RAD51B: variants seen among roughly 807,000 people sequenced by gnomAD.
RAD51B encodes DNA repair protein RAD51 homolog 2.
In RAD51B, 38 loss-of-function variants were observed where a neutral mutation model predicts 42.2. The observed-to-expected ratio is 0.90, with a 90% CI of 0.70 to 1.18. RAD51B has a LOEUF of 1.18. Among genes scored for constraint, RAD51B ranks in the 50% most tolerant of loss-of-function variants. The pLI is 0.00. For synonymous variants in RAD51B, 154 were observed against 145.2 expected (o/e 1.06, Z -0.43); for missense variants, 373 against 400.7 (o/e 0.93, Z 0.59).
At chr14:68,602,242 A>C (rs1891247250) in intron 10 of RAD51B, among the ~76,000 whole-genome samples, 1 of 149,490 alleles carries the variant, frequency 6.7e-6, no homozygotes, top group Admixed American at 6.7e-5. Flanking sequence ...CTCAGTTTCT[A>C]CTCTCCCTCC....
intron 7 of RAD51B, among the ~76,000 whole-genome samples, chr14:68,255,259 A>G (rs2080729570): frequency 6.6e-6 from 1 of 152,250 alleles, no homozygotes; most frequent in South Asian, 2.1e-4. Context: ...GACAGAGATA[A>G]ACAAAAAGAG....
At chr14:68,020,276 AT>A (rs1191186775) in intron 7 of RAD51B, among the ~76,000 whole-genome samples, 1 of 151,768 alleles carries the variant, frequency 6.6e-6, no homozygotes, top group Non-Finnish European at 1.5e-5. Flanking sequence ...TGCCTGGCTA[AT>A]TTTTTATATT....
intron 8 of RAD51B, among the ~76,000 whole-genome samples, chr14:68,370,843 C>T (rs1212731278): frequency 6.7e-6 from 1 of 148,954 alleles, no homozygotes; most frequent in African/African-American, 2.5e-5. Context: ...AGGAGTTCGA[C>T]CCAATATGGT....
At chr14:67,839,056 A>G (rs936639755) in intron 4 of RAD51B, among the ~76,000 whole-genome samples, 1 of 152,122 alleles carries the variant, frequency 6.6e-6, no homozygotes, top group Non-Finnish European at 1.5e-5. Context: ...TGGTCATGAT[A>G]TATTATCTTT....
At chr14:68,661,392 G>A (rs1892929876) in intron 11 of RAD51B, among the ~76,000 whole-genome samples, 1 of 152,182 alleles carries the variant, frequency 6.6e-6, no homozygotes, top group South Asian at 2.1e-4. Flanking sequence ...GTGCCTGCCA[G>A]GGGTCTGCAC....
chr14:67,885,325 T>C (rs1230726219), intron 5 of RAD51B, among the ~76,000 whole-genome samples: 1 of 152,236 alleles, frequency 6.6e-6, no homozygotes, highest in African/African-American at 2.4e-5. Context: ...TAGAAAATCA[T>C]GTTTTGTTTA....
chr14:68,582,242 T>C (rs1890240708), intron 10 of RAD51B, among the ~76,000 whole-genome samples: 1 of 152,172 alleles, frequency 6.6e-6, no homozygotes, highest in Non-Finnish European at 1.5e-5. Context: ...TGGGAGAACA[T>C]TTTTACAATC....
intron 7 of RAD51B, among the ~76,000 whole-genome samples, chr14:68,209,670 C>G (rs2140941928): frequency 6.6e-6 from 1 of 152,184 alleles, no homozygotes; most frequent in East Asian, 1.9e-4. Context: ...TATTCTGTAC[C>G]CACTTAGGGA....
At position 68,392,578 on chromosome 14, in the gene RAD51B, G is replaced by A. The variant is rs191538765; in HGVS notation, c.854-18846G>A. 2.4e-3 allele frequency among the ~76,000 whole-genome samples: 367 copies of A among 152,284 alleles called. 3 individuals carry two copies. Among genetic ancestry groups the A allele is most frequent in the African/African-American group, 8.6e-3 (357 of 41,560 alleles). ...CATAGGGCACTCTATAAACAAAGAT[G>A]CTATTTCAGGCTTACAAGAGGAATG... On this transcript the variant is annotated intron_variant, in intron 8 of 10. Transcript: ENST00000471583.
chr14:67,923,664 A>G (rs917503610), intron 7 of RAD51B, among the ~76,000 whole-genome samples: 2 of 152,054 alleles, frequency 1.3e-5, no homozygotes, highest in African/African-American at 4.8e-5. Flanking sequence ...TATTTTTGCA[A>G]TTGCAAATTG....
chr14:68,209,019 G>T (rs1340245173), intron 7 of RAD51B, among the ~76,000 whole-genome samples: 1 of 152,152 alleles, frequency 6.6e-6, no homozygotes, highest in African/African-American at 2.4e-5. Context: ...TTGTTGAGTG[G>T]TTTAAGATGT....
intron 7 of RAD51B, among the ~76,000 whole-genome samples, chr14:68,246,942 A>G (rs531617080): frequency 3.3e-5 from 5 of 152,298 alleles, no homozygotes; most frequent in South Asian, 4.1e-4. Flanking sequence ...AAACACACCC[A>G]TGCTACAGTG....
chr14:68,066,645 G>T (rs993288818), intron 7 of RAD51B, among the ~76,000 whole-genome samples: 3 of 152,064 alleles, frequency 2.0e-5, no homozygotes, highest in African/African-American at 7.2e-5. Flanking sequence ...TATAAAGCTG[G>T]GCATGCTGGT....
chr14:68,456,170 G>A (rs1056946553), intron 9 of RAD51B, among the ~76,000 whole-genome samples: 41 of 152,196 alleles, frequency 2.7e-4, no homozygotes, highest in African/African-American at 9.4e-4. Flanking sequence ...GCAAAACAGA[G>A]GAACAAAAAG....
chr14:68,559,529 C>T (rs1337940137), intron 10 of RAD51B, among the ~76,000 whole-genome samples: 1 of 151,864 alleles, frequency 6.6e-6, no homozygotes, highest in African/African-American at 2.4e-5. Context: ...TACAGGTGCC[C>T]TCCACCACAC....
At chr14:68,239,184 A>T (rs1181468305) in intron 7 of RAD51B, among the ~76,000 whole-genome samples, 2 of 152,042 alleles carry the variant, frequency 1.3e-5, no homozygotes, top group East Asian at 1.9e-4. Flanking sequence ...CTCCCTCCTC[A>T]CTTCCCTCCT....
At position 68,564,387 on chromosome 14, in the gene RAD51B, CT is replaced by C. The variant is rs570893669; in HGVS notation, c.1037-30097del. ...CATGCCGCACAGGCCTAGCCGGCCC[CT>C]GTTAGCATTGCTGTGGTGCTTTCTG... On this transcript the variant is annotated intron_variant, in intron 10 of 10. Coordinates refer to the RAD51B transcript ENST00000487270. 5.6e-3 allele frequency among the ~76,000 whole-genome samples: 850 copies of C among 152,354 alleles called. 11 individuals carry two copies. Among genetic ancestry groups the C allele is most frequent in the African/African-American group, 0.019 (791 of 41,582 alleles).
chr14:68,648,023 G>T (rs981863688), intron 10 of RAD51B, among the ~76,000 whole-genome samples: 1 of 28,634 alleles, frequency 3.5e-5, no homozygotes. Flanking sequence ...ATATATATAC[G>T]TATATATATA....
chr14:67,976,680 A>G (rs1405063781), intron 7 of RAD51B, among the ~76,000 whole-genome samples: 4 of 152,088 alleles, frequency 2.6e-5, no homozygotes, highest in African/African-American at 9.7e-5. Flanking sequence ...CTAAAACACC[A>G]AAAGCAATGG....
Sources: allele counts gnomAD v4.1 joint callset (sites outside exome capture counted in the v4.1 genomes callset), GRCh38; gene constraint gnomAD v4.1.1; transcripts MANE v1.5; gene names NCBI Gene and HGNC (gene_info 2026-07-23, HGNC 2026-07-21).